OPCML: variants seen among roughly 807,000 people sequenced by gnomAD.
OPCML encodes the protein opioid binding protein/cell adhesion molecule like.
OPCML carries 13 observed loss-of-function variants against 37.8 expected under a neutral mutation model. The ratio of observed to expected loss-of-function variants is 0.34; its 90% confidence interval spans 0.22 to 0.55. The LOEUF is 0.55. Ranked by LOEUF, OPCML falls within the 20% of genes least tolerant of loss-of-function variation. OPCML has a pLI of 0.91. For missense variants in OPCML, 341 were observed against 435.6 expected, an observed-to-expected ratio of 0.78 and a Z score of 1.93; for synonymous variants, 176 against 168.8, an observed-to-expected ratio of 1.04 and a Z score of -0.33.
chr11:133,038,389 G>C (rs537548659), intron 1 of OPCML, among the ~76,000 whole-genome samples: 2 of 152,178 alleles, frequency 1.3e-5, no homozygotes. Flanking sequence ...ATAAAATGTG[G>C]GAAAAGTAAT....
intron 1 of OPCML, among the ~76,000 whole-genome samples, chr11:133,304,911 G>C (rs561936421): frequency 6.6e-6 from 1 of 152,196 alleles, no homozygotes; most frequent in Non-Finnish European, 1.5e-5. Flanking sequence ...ACAATTTGCT[G>C]TATAGTCAAA....
intron 3 of OPCML, among the ~76,000 whole-genome samples, chr11:132,557,684 T>A (rs1286828637): frequency 1.3e-5 from 2 of 152,184 alleles, no homozygotes; most frequent in Non-Finnish European, 2.9e-5. Context: ...CCTGAGCACT[T>A]CCCTATATTC....
intron 2 of OPCML, among the ~76,000 whole-genome samples, chr11:132,906,812 C>T (rs1454891699): frequency 1.3e-5 from 2 of 152,198 alleles, no homozygotes; most frequent in Non-Finnish European, 2.9e-5. Flanking sequence ...TCTGTATCCC[C>T]ACCAGTGTTT....
chr11:132,647,155 A>G (rs1941192108), intron 3 of OPCML, among the ~76,000 whole-genome samples: 1 of 152,180 alleles, frequency 6.6e-6, no homozygotes, highest in Admixed American at 6.5e-5. Context: ...TGGAGAATTG[A>G]AAGGAAGTTA....
chr11:133,367,353 CT>C (rs1480108796), intron 1 of OPCML, among the ~76,000 whole-genome samples: 4 of 152,200 alleles, frequency 2.6e-5, no homozygotes, highest in African/African-American at 9.7e-5. Context: ...CAACCGCCAT[CT>C]CCTACAACCA....
chr11:133,532,441 A>C lies in OPCML; in HGVS notation c.-117T>G. ...GTTTAAATCCAATGTTTGCAAAGGGAGGGAGAGAGCAGAAGAGAGAGAGAG... is the reference window on the plus strand; with the variant it reads ...GTTTAAATCCAATGTTTGCAAAGGGCGGGAGAGAGCAGAAGAGAGAGAGAG... On this transcript the variant is annotated 5_prime_UTR_variant, in exon 1 of 8. Coordinates refer to ENST00000524381, the MANE Select transcript of OPCML (RefSeq NM_001012393.5). 7.8e-7 allele frequency: 1 copy of C among 1,281,288 alleles called. No individual in the cohort carries two copies. The allele number at this position is 1,281,288 out of a possible 1,614,324, so 79.4% of individuals were successfully genotyped here.
At chr11:133,071,561 G>A (rs1406441799) in intron 1 of OPCML, among the ~76,000 whole-genome samples, 2 of 152,158 alleles carry the variant, frequency 1.3e-5, no homozygotes, top group African/African-American at 2.4e-5. Context: ...CAGACACATG[G>A]CTCTGTGCTA....
intron 2 of OPCML, among the ~76,000 whole-genome samples, chr11:132,799,905 T>A (rs1207707154): frequency 6.6e-6 from 1 of 152,208 alleles, no homozygotes; most frequent in Non-Finnish European, 1.5e-5. Context: ...TTTCGGCTAT[T>A]CTGGGCCCCT....
At chr11:132,949,099 C>T (rs1945805202) in intron 1 of OPCML, among the ~76,000 whole-genome samples, 1 of 152,146 alleles carries the variant, frequency 6.6e-6, no homozygotes, top group Non-Finnish European at 1.5e-5. Flanking sequence ...TAGGGATTTC[C>T]AGGTCAGTAT....
At chr11:133,213,386 C>T (rs1291615914) in intron 1 of OPCML, among the ~76,000 whole-genome samples, 1 of 151,958 alleles carries the variant, frequency 6.6e-6, no homozygotes, top group Non-Finnish European at 1.5e-5. Flanking sequence ...GCATAATGAA[C>T]ATCTAATGTA....
intron 2 of OPCML, among the ~76,000 whole-genome samples, chr11:132,784,682 A>G (rs1208380308): frequency 6.6e-6 from 1 of 152,130 alleles, no homozygotes; most frequent in Non-Finnish European, 1.5e-5. Context: ...TCCCTCATGA[A>G]TGAATTGTTG....
At chr11:133,440,465 G>A (rs532586739) in intron 1 of OPCML, among the ~76,000 whole-genome samples, 6 of 150,378 alleles carry the variant, frequency 4.0e-5, no homozygotes, top group South Asian at 4.2e-4. Context: ...GGTGGCTCAC[G>A]CCTGTAATCC....
At chr11:133,105,707 A>G (rs1592005760) in intron 1 of OPCML, among the ~76,000 whole-genome samples, 3 of 152,224 alleles carry the variant, frequency 2.0e-5, no homozygotes, top group Non-Finnish European at 2.9e-5. Context: ...GAGGCTGGGC[A>G]CGGTAGCTCA....
Position 132,943,030 on chromosome 11 carries a change from C to T in OPCML, c.62-20G>A, listed in dbSNP as rs765035439. 2.7e-5 allele frequency: 44 copies of T among 1,614,036 alleles called. No individual in the cohort carries two copies. The highest frequency in any genetic ancestry group is 3.6e-5 in the Non-Finnish European group (42 of 1,180,018). On this transcript the variant is annotated intron_variant, in intron 1 of 7. Transcript: ENST00000524381. The surrounding 1 kb of genome is among the most constrained non-coding windows in gnomAD (Gnocchi z 4.3). Reference sequence around the variant, plus strand: ...GCACTCCTGTGGGTACAAGGAACAGCAGCCTGAGAGACACGACCACGAGGC... The same window carrying T: ...GCACTCCTGTGGGTACAAGGAACAGTAGCCTGAGAGACACGACCACGAGGC...
chr11:132,710,447 T>C (rs1032143529), intron 2 of OPCML, among the ~76,000 whole-genome samples: 1 of 152,226 alleles, frequency 6.6e-6, no homozygotes, highest in African/African-American at 2.4e-5. Flanking sequence ...CACGATGATA[T>C]GTAAGACATG....
At position 133,529,464 on chromosome 11, in the gene OPCML, C is replaced by T. The variant is rs56696451; in HGVS notation, c.61+2800G>A. Reference sequence around the variant, plus strand: ...GCATGACAAGTCAGTTGGCCACGGGCCCTCTGCCCTGTCTTGGGTGTGGGC... The same window carrying T: ...GCATGACAAGTCAGTTGGCCACGGGTCCTCTGCCCTGTCTTGGGTGTGGGC... On this transcript the variant is annotated intron_variant, in intron 1 of 7. Coordinates refer to ENST00000524381, the MANE Select transcript of OPCML (RefSeq NM_001012393.5). 5.6e-3 allele frequency among the ~76,000 whole-genome samples: 859 copies of T among 152,308 alleles called. 13 individuals carry two copies. Among genetic ancestry groups the T allele is most frequent in the African/African-American group, 0.019 (796 of 41,562 alleles).
At chr11:133,055,901 A>C (rs1158571923) in intron 1 of OPCML, among the ~76,000 whole-genome samples, 137 of 90,764 alleles carry the variant, frequency 1.5e-3, no homozygotes, top group Admixed American at 3.5e-3. Context: ...CGTGAGGGAG[A>C]CGCCTCTACT....
chr11:133,348,379 G>A (rs1944049743), intron 1 of OPCML, among the ~76,000 whole-genome samples: 1 of 152,216 alleles, frequency 6.6e-6, no homozygotes, highest in Admixed American at 6.5e-5. Flanking sequence ...TCGAGCAGGT[G>A]CTGCGTAAAT....
chr11:133,216,294 C>T (rs1433843730), intron 1 of OPCML, among the ~76,000 whole-genome samples: 1 of 152,182 alleles, frequency 6.6e-6, no homozygotes, highest in Non-Finnish European at 1.5e-5. Context: ...CAGAAAATTC[C>T]TCCTCTGAAT....
Sources: allele counts gnomAD v4.1 joint callset (sites outside exome capture counted in the v4.1 genomes callset), GRCh38; gene constraint gnomAD v4.1.1; non-coding constraint Gnocchi (gnomAD v3.1); transcripts MANE v1.5; gene names NCBI Gene and HGNC (gene_info 2026-07-23, HGNC 2026-07-21).